CCDC60: variants seen among roughly 807,000 people sequenced by gnomAD.
The protein encoded by CCDC60 is coiled-coil domain-containing protein 60.
A neutral mutation model predicts 63.5 loss-of-function variants in CCDC60; 54 were observed. The observed-to-expected ratio is 0.85, with a 90% CI of 0.68 to 1.07. The LOEUF (loss-of-function observed/expected upper bound fraction) is 1.07, where lower values mean the gene tolerates loss of function less well. Ranked by LOEUF, CCDC60 falls within the 50% of genes least tolerant of loss-of-function variation. CCDC60 has a pLI of 0.00. For synonymous variants in CCDC60, 206 were observed against 238.8 expected, an observed-to-expected ratio of 0.86 and a Z score of 1.27; for missense variants, 651 against 684.3, an observed-to-expected ratio of 0.95 and a Z score of 0.54.
chr12:119,433,564 G>T, intron 2 of CCDC60: 1 of 702,390 alleles, frequency 1.4e-6, no homozygotes, highest in Non-Finnish European at 2.6e-6. Context: ...TCCAAGGGAA[G>T]TCATCTCTCC....
intron 8 of CCDC60, among the ~76,000 whole-genome samples, chr12:119,519,257 A>G (rs768711305): frequency 1.3e-5 from 2 of 152,070 alleles, no homozygotes; most frequent in Admixed American, 6.5e-5. Context: ...CCCCCTAGCC[A>G]TCTGAAAATA....
intron 11 of CCDC60, among the ~76,000 whole-genome samples, chr12:119,524,721 C>CTT (rs55694840): frequency 1.7e-4 from 17 of 99,034 alleles, no homozygotes; most frequent in Admixed American, 7.9e-4. Flanking sequence ...CTTTTCTTTT[C>CTT]TTTTTTTTTT....
intron 4 of CCDC60, among the ~76,000 whole-genome samples, chr12:119,481,398 G>C (rs1566033363): frequency 6.6e-6 from 1 of 152,098 alleles, no homozygotes; most frequent in Non-Finnish European, 1.5e-5. Flanking sequence ...GAATCGTCTG[G>C]GGGTGGGGGA....
chr12:119,396,377 T>C (rs1219937894), intron 1 of CCDC60, among the ~76,000 whole-genome samples: 1 of 152,142 alleles, frequency 6.6e-6, no homozygotes, highest in Non-Finnish European at 1.5e-5. Context: ...AGAAGGACAC[T>C]ATTCAACCCA....
intron 13 of CCDC60, among the ~76,000 whole-genome samples, chr12:119,537,923 T>C (rs1292663285): frequency 1.3e-5 from 2 of 152,198 alleles, no homozygotes; most frequent in Non-Finnish European, 2.9e-5. Context: ...TCAAACATCA[T>C]GCTGGGAGAA....
intron 13 of CCDC60, among the ~76,000 whole-genome samples, chr12:119,537,970 TA>T (rs987528196): frequency 4.3e-4 from 66 of 152,222 alleles, no homozygotes; most frequent in Admixed American, 4.3e-3. Context: ...CAGGGACGTT[TA>T]AGTCTGCAGA....
intron 1 of CCDC60, among the ~76,000 whole-genome samples, chr12:119,397,063 G>A (rs1956269137): frequency 1.3e-5 from 2 of 151,536 alleles, no homozygotes; most frequent in South Asian, 2.1e-4. Flanking sequence ...TTAAAGGCAG[G>A]GCATCTGGAG....
intron 2 of CCDC60, among the ~76,000 whole-genome samples, chr12:119,455,156 A>G (rs1185417511): frequency 3.3e-5 from 5 of 152,224 alleles, no homozygotes; most frequent in African/African-American, 1.2e-4. Flanking sequence ...GCTGGTTGTT[A>G]ATCTAGGCAT....
chr12:119,476,185 T>G (rs1951173809), intron 3 of CCDC60, among the ~76,000 whole-genome samples: 1 of 152,150 alleles, frequency 6.6e-6, no homozygotes, highest in Admixed American at 6.5e-5. Flanking sequence ...GATTTCTGCC[T>G]GCAAGCAGTC....
intron 1 of CCDC60, among the ~76,000 whole-genome samples, chr12:119,343,968 A>G (rs566510120): frequency 6.6e-6 from 1 of 152,198 alleles, no homozygotes; most frequent in South Asian, 2.1e-4. Context: ...ACCCAAAGTT[A>G]CCCAAGTTTC....
intron 2 of CCDC60, among the ~76,000 whole-genome samples, chr12:119,459,362 C>A (rs1950812890): frequency 1.3e-5 from 2 of 152,150 alleles, no homozygotes; most frequent in African/African-American, 4.8e-5. Flanking sequence ...TGAGAAAAAT[C>A]TGACATAGGA....
At chr12:119,345,278 C>T (rs781510380) in intron 1 of CCDC60, among the ~76,000 whole-genome samples, 9 of 152,118 alleles carry the variant, frequency 5.9e-5, no homozygotes, top group East Asian at 1.9e-4. Context: ...CCAAAGCAGG[C>T]GGATCATGAG....
intron 5 of CCDC60, among the ~76,000 whole-genome samples, chr12:119,494,251 C>T (rs529439641): frequency 2.0e-5 from 3 of 152,310 alleles, no homozygotes; most frequent in African/African-American, 7.2e-5. Context: ...GCCTCCCCTA[C>T]CCCTGTGGCC....
intron 13 of CCDC60, among the ~76,000 whole-genome samples, chr12:119,531,818 CAGA>C (rs1952850815): frequency 6.6e-6 from 1 of 152,196 alleles, no homozygotes; most frequent in Non-Finnish European, 1.5e-5. Flanking sequence ...CCACCATCAC[CAGA>C]AGAAGTTCCT....
At chr12:119,488,093 CA>C (rs2136373535) in intron 4 of CCDC60, among the ~76,000 whole-genome samples, 1 of 152,318 alleles carries the variant, frequency 6.6e-6, no homozygotes, top group East Asian at 1.9e-4. Flanking sequence ...TGGGATTACA[CA>C]AATGCGCCAT....
chr12:119,404,984 C>T (rs761148106), intron 1 of CCDC60, among the ~76,000 whole-genome samples: 4 of 152,150 alleles, frequency 2.6e-5, no homozygotes, highest in Non-Finnish European at 4.4e-5. Context: ...TCTGATTAAC[C>T]CCAGGAAAGC....
At chr12:119,470,213 A>G (rs2136323434) in intron 2 of CCDC60, among the ~76,000 whole-genome samples, 1 of 152,200 alleles carries the variant, frequency 6.6e-6, no homozygotes, top group Non-Finnish European at 1.5e-5. Flanking sequence ...CCTAAATACT[A>G]CCTCCTCCAG....
In CCDC60 at chr12:119,408,917, C is replaced by T. The variant is rs568404307; in HGVS notation, c.91-19766C>T. Among the ~76,000 whole-genome samples, 25 of 152,330 alleles carry T rather than the reference C, an allele frequency of 1.6e-4. No individual in the cohort carries two copies. In the South Asian group the frequency reaches 4.4e-3, roughly 27 times the overall value. ...TATGTGGACCTCTCCCAAAGAGAAG[C>T]TCACAACTTGGAAGCTGGTTTTCCC... On this transcript the variant is annotated intron_variant, in intron 1 of 13. Transcript: ENST00000327554.
chr12:119,397,377 T>C (rs1297343272), intron 1 of CCDC60, among the ~76,000 whole-genome samples: 3 of 152,122 alleles, frequency 2.0e-5, no homozygotes, highest in African/African-American at 7.2e-5. Context: ...TGGTCCGTTT[T>C]ACAGAGAGCT....
Sources: gnomAD v4.1 joint callset for allele counts (sites outside exome capture counted in the v4.1 genomes callset) on GRCh38, gnomAD v4.1.1 for gene constraint, MANE v1.5 for transcripts, NCBI Gene and HGNC (gene_info 2026-07-23, HGNC 2026-07-21) for gene names.